SH3GLB2: variants seen among roughly 807,000 people sequenced by gnomAD.
SH3GLB2 encodes endophilin-B2.
A neutral mutation model predicts 48.0 loss-of-function variants in SH3GLB2; 24 were observed. That is an observed-to-expected ratio of 0.50 (90% confidence interval 0.36 to 0.70). SH3GLB2 has a LOEUF of 0.70. SH3GLB2 is among the 30% of genes least tolerant of loss of function. The pLI is 0.00. For synonymous variants in SH3GLB2, 227 were observed against 207.6 expected, an observed-to-expected ratio of 1.09 and a Z score of -0.80; for missense variants, 425 against 516.0, an observed-to-expected ratio of 0.82 and a Z score of 1.71.
intron 6 of SH3GLB2, 176 bp downstream of exon 6, chr9:129,012,060 C>T (rs1843155584): frequency 4.9e-6 from 2 of 410,860 alleles, no homozygotes; most frequent in East Asian, 3.6e-5. Flanking sequence ...GGGGCCAGGC[C>T]GTGGACAGAG....
intron 6 of SH3GLB2, 90 bp downstream of exon 6, chr9:129,012,146 G>T: frequency 2.3e-6 from 2 of 866,102 alleles, no homozygotes; most frequent in Non-Finnish European, 3.1e-6. Flanking sequence ...TACCCAAGCT[G>T]GCTTCTAGCT....
At chr9:129,013,373 A>G (rs910852472) in intron 5 of SH3GLB2, 2 of 336,304 alleles carry the variant, frequency 5.9e-6, no homozygotes, top group Non-Finnish European at 1.1e-5. Flanking sequence ...TGGCTGATGG[A>G]GAGAGTGTGT....
chr9:129,022,448 G>T (rs899680092), intron 1 of SH3GLB2, 25 bp from the exon 2 acceptor site: 2 of 1,607,186 alleles, frequency 1.2e-6, no homozygotes, highest in Admixed American at 1.7e-5. Context: ...AGGCCAAGGG[G>T]TGGGGAGGGG....
chr9:129,009,362 A>G lies in SH3GLB2; in HGVS notation c.840-16T>C, dbSNP rs897367804. 2.6e-6 allele frequency: 4 copies of G among 1,550,724 alleles called. No individual in the cohort carries two copies. In the East Asian group the frequency reaches 7.3e-5, roughly 28 times the overall value. ...GCCGGGAAATCTGGAGAGGAGGGAT[A>G]CATCTTAGCAGGTGGGAGTCCCAGA... On this transcript the variant is annotated splice_polypyrimidine_tract_variant and intron_variant, in intron 9 of 10. Transcript: ENST00000372564.
intron 3 of SH3GLB2, among the ~76,000 whole-genome samples, chr9:129,018,846 T>C (rs1588327515): frequency 2.0e-5 from 3 of 150,312 alleles, no homozygotes; most frequent in African/African-American, 7.4e-5. Context: ...GAGTCGAGAT[T>C]GTGCCACTGC....
chr9:129,018,551 TA>T (rs1164297511), intron 3 of SH3GLB2, among the ~76,000 whole-genome samples: 7 of 146,396 alleles, frequency 4.8e-5, no homozygotes, highest in African/African-American at 1.5e-4. Flanking sequence ...CACTCCAGCC[TA>T]GGTGACAGAG....
At chr9:129,013,302 C>G in intron 5 of SH3GLB2, 1 of 501,888 alleles carries the variant, frequency 2.0e-6, no homozygotes, top group Non-Finnish European at 3.6e-6. Flanking sequence ...TGAGGTTGTC[C>G]AGGCCCACCA....
At chr9:129,022,927 G>C (rs1481911378) in intron 1 of SH3GLB2, among the ~76,000 whole-genome samples, 1 of 152,198 alleles carries the variant, frequency 6.6e-6, no homozygotes, top group Non-Finnish European at 1.5e-5. Context: ...GGTTCAGAAG[G>C]ACCTGATTCA....
rs924985669 is a variant in SH3GLB2, at chr9:129,012,840, C to T, written c.562-542G>A. On this transcript the variant is annotated intron_variant, in intron 5 of 10. Transcript: ENST00000372564. The stretch of plus-strand genomic sequence containing the variant: ...CAAAAAGCTGACTCACAGGCCCCAA[C>T]GCCTGGCATCCCCCCCTAAACCAGA... 15 of 755,776 alleles carry T rather than the reference C, an allele frequency of 2.0e-5. 1 individual carries two copies. Among genetic ancestry groups the T allele is most frequent in the South Asian group, 3.8e-5 (2 of 53,032 alleles). The allele number at this position is 755,776 out of a possible 1,614,324, so 46.8% of individuals were successfully genotyped here.
chr9:129,025,137 G>A (rs925317754), intron 1 of SH3GLB2, among the ~76,000 whole-genome samples: 2 of 151,498 alleles, frequency 1.3e-5, no homozygotes, highest in South Asian at 2.1e-4. Flanking sequence ...TTAGCATGAC[G>A]TGGTGGTGGG....
intron 3 of SH3GLB2, among the ~76,000 whole-genome samples, chr9:129,016,879 A>C (rs914156294): frequency 6.6e-6 from 1 of 152,074 alleles, no homozygotes; most frequent in African/African-American, 2.4e-5. Flanking sequence ...TCCAAAATAC[A>C]TAAGGCAAAC....
chr9:129,017,012 C>T (rs1035996226), intron 3 of SH3GLB2, among the ~76,000 whole-genome samples: 2 of 146,342 alleles, frequency 1.4e-5, no homozygotes, highest in Non-Finnish European at 3.0e-5. Context: ...CAGTGGCGCG[C>T]TCTTGGCTCG....
At chr9:129,017,242 G>A (rs1445315040) in intron 3 of SH3GLB2, among the ~76,000 whole-genome samples, 3 of 151,908 alleles carry the variant, frequency 2.0e-5, no homozygotes, top group East Asian at 3.9e-4. Context: ...GAGCCACCAT[G>A]CCCAGCCTCA....
intron 5 of SH3GLB2, 53 bp from the exon 6 acceptor site, chr9:129,012,351 G>T: frequency 8.4e-7 from 1 of 1,191,402 alleles, no homozygotes. Context: ...GCCAGGGCCA[G>T]GGTCGAGGTC....
In SH3GLB2 at chr9:129,014,796, A is replaced by G. The variant is rs746724725; in HGVS notation, c.443T>C (p.Leu148Pro). Residue 148 changes from leucine (L) to proline (P), a missense_variant, in exon 4 of 11, where the codon CTG becomes CCG. By Grantham distance (98) the Leu-to-Pro change is moderately conservative (BLOSUM62 -3). Transcript: ENST00000372564. The surrounding 1 kb of genome is among the most constrained non-coding windows in gnomAD (Gnocchi z 4.1). ...CGAGATGGTCTTCCAGTCCCCCTCCAGGAAGTTGCGCAAGGGTGTGAGGAA... is the reference window on the plus strand; with the variant it reads ...CGAGATGGTCTTCCAGTCCCCCTCCGGGAAGTTGCGCAAGGGTGTGAGGAA... ...ISFLTPLRNFLEGDWKTISKE... is the reference protein window; with the variant it reads ...ISFLTPLRNFPEGDWKTISKE... 6.2e-6 allele frequency: 10 copies of G among 1,613,522 alleles called. No homozygotes were observed. The highest frequency in any genetic ancestry group is 8.5e-6 in the Non-Finnish European group (10 of 1,179,910).
chr9:129,018,542 A>C lies in SH3GLB2; in HGVS notation c.334+2549T>G, dbSNP rs1439716206. Among the ~76,000 whole-genome samples the C allele has an allele frequency of 2.7e-5, 4 of 150,302 alleles. No homozygotes were observed. In the East Asian group the frequency reaches 5.9e-4, roughly 22 times the overall value. On this transcript the variant is annotated intron_variant, in intron 3 of 10. Coordinates refer to ENST00000372564, the MANE Select transcript of SH3GLB2 (RefSeq NM_020145.4). ...CAGTGAGCCAAGATTGCGCCACTGC[A>C]CTCCAGCCTAGGTGACAGAGAGAGA...
rs751805021 is a variant in SH3GLB2, at chr9:129,009,467, G to A, written c.840-121C>T. 3.9e-6 allele frequency: 6 copies of A among 1,549,552 alleles called. No homozygotes were observed. The South Asian group carries it at 4.8e-5, about 12-fold the overall frequency. On this transcript the variant is annotated intron_variant, in intron 9 of 10. Coordinates refer to ENST00000372564, the MANE Select transcript of SH3GLB2 (RefSeq NM_020145.4). ...CGGCTACTCACATGGCACCCTGGGA[G>A]CTGGCAGCACAAAGGGAAAAGCAAA...
At chr9:129,023,382 C>T (rs1843940970) in intron 1 of SH3GLB2, among the ~76,000 whole-genome samples, 1 of 152,126 alleles carries the variant, frequency 6.6e-6, no homozygotes, top group Non-Finnish European at 1.5e-5. Flanking sequence ...TCTAAGAGGG[C>T]CCTGGAACAC....
chr9:129,012,731 T>C, intron 5 of SH3GLB2: 1 of 541,724 alleles, frequency 1.8e-6, no homozygotes, highest in Non-Finnish European at 3.3e-6. Context: ...CTCTTGCTCC[T>C]GCATCAAGGG....
Sources: gnomAD v4.1 joint callset for allele counts (sites outside exome capture counted in the v4.1 genomes callset) on GRCh38, gnomAD v4.1.1 for gene constraint, Gnocchi (gnomAD v3.1) non-coding constraint, MANE v1.5 for transcripts, NCBI Gene and HGNC (gene_info 2026-07-23, HGNC 2026-07-21) for gene names.